Variants in SSUH2 observed in about 807,000 individuals in gnomAD.
SSUH2 encodes the protein protein SSUH2 homolog.
A neutral mutation model predicts 55.3 loss-of-function variants in SSUH2; 47 were observed. That is an observed-to-expected ratio of 0.85 (90% CI 0.67 to 1.08). The LOEUF is 1.08. Ranked by LOEUF, SSUH2 falls within the 50% of genes least tolerant of loss-of-function variation. The pLI is 0.00. For synonymous variants in SSUH2, 212 were observed against 191.5 expected, an observed-to-expected ratio of 1.11 and a Z score of -0.89; for missense variants, 535 against 490.7, an observed-to-expected ratio of 1.09 and a Z score of -0.85.
chr3:8,676,283 G>A (rs1705253224), intron 3 of SSUH2, among the ~76,000 whole-genome samples: 1 of 151,574 alleles, frequency 6.6e-6, no homozygotes, highest in Non-Finnish European at 1.5e-5. Context: ...TGAATATTAA[G>A]AACAGTATCA....
intron 3 of SSUH2, among the ~76,000 whole-genome samples, chr3:8,676,969 C>T (rs1705405569): frequency 7.1e-6 from 1 of 140,544 alleles, no homozygotes; most frequent in South Asian, 2.3e-4. Flanking sequence ...CCCTGTGAGG[C>T]GGGGACTGAG....
intron 7 of SSUH2, among the ~76,000 whole-genome samples, chr3:8,655,571 T>C (rs577922371): frequency 1.3e-5 from 2 of 152,232 alleles, no homozygotes; most frequent in East Asian, 3.9e-4. Context: ...TCTCAGTGGG[T>C]CATTCTTGCC....
At chr3:8,670,548 A>C (rs1704449047) in intron 5 of SSUH2, among the ~76,000 whole-genome samples, 1 of 151,968 alleles carries the variant, frequency 6.6e-6, no homozygotes, top group African/African-American at 2.4e-5. Flanking sequence ...TACGTATGTC[A>C]TACACCCCCG....
At position 8,667,495 on chromosome 3, in the gene SSUH2, C is replaced by A. The variant is rs996329877; in HGVS notation, c.-455+3503G>T. Among the ~76,000 whole-genome samples, 3 of 152,288 alleles carry A rather than the reference C, an allele frequency of 2.0e-5. No homozygotes were observed. In the South Asian group the frequency reaches 6.2e-4, roughly 32 times the overall value. On this transcript the variant is annotated intron_variant, in intron 5 of 18. Coordinates refer to the SSUH2 transcript ENST00000317371. ...TCTTTGTGGCCTGTATCTTGAAAAA[C>A]CAGTCCCTCCAATTCCAGTCTCACC...
intron 2 of SSUH2, 83 bp from the exon 3 acceptor site, chr3:8,635,464 G>A (rs1559383183): frequency 9.7e-7 from 1 of 1,029,876 alleles, no homozygotes. Context: ...AAGACTGATT[G>A]AATGTGAGAA....
intron 4 of SSUH2, among the ~76,000 whole-genome samples, chr3:8,671,687 C>T (rs1359668387): frequency 6.6e-6 from 1 of 151,992 alleles, no homozygotes; most frequent in East Asian, 1.9e-4. Flanking sequence ...GGGTGTATAC[C>T]CCGGTGACTT....
intron 3 of SSUH2, among the ~76,000 whole-genome samples, chr3:8,674,268 C>T (rs1274005762): frequency 2.6e-5 from 4 of 152,150 alleles, no homozygotes; most frequent in Admixed American, 6.5e-5. Context: ...GGGTTTGCAG[C>T]GTAACCAGTG....
At chr3:8,668,991 G>A (rs1221409241) in intron 5 of SSUH2, among the ~76,000 whole-genome samples, 1 of 151,846 alleles carries the variant, frequency 6.6e-6, no homozygotes, top group Admixed American at 6.6e-5. Flanking sequence ...AAGGAAGGAG[G>A]AAGAGAGGAA....
intron 2 of SSUH2, among the ~76,000 whole-genome samples, chr3:8,677,817 C>T (rs900774287): frequency 3.4e-4 from 51 of 150,724 alleles, no homozygotes; most frequent in South Asian, 6.5e-4. Context: ...TGAGAGCCAG[C>T]CCCACACACC....
At position 8,678,816 on chromosome 3, in the gene SSUH2, C is replaced by T. The variant is rs1357910855; in HGVS notation, c.-901+889G>A. 3.6e-5 allele frequency among the ~76,000 whole-genome samples: 4 copies of T among 109,804 alleles called. 1 individual carries two copies. Among genetic ancestry groups the T allele is most frequent in the Non-Finnish European group, 6.2e-5 (3 of 48,236 alleles). 72.0% of individuals were successfully genotyped at this position (109,804 alleles called of 152,430 possible). A position where few individuals can be genotyped will look rare whatever the true frequency, so the allele number is the denominator to read the frequency against. On this transcript the variant is annotated intron_variant, in intron 2 of 18. Transcript: ENST00000317371. ...AGGACCCCATCGCAGGGAGAGGAGG[C>T]GGCACTCCCCACGAGGCGGGGACTG...
At chr3:8,621,558 G>A (rs1442514744) in intron 11 of SSUH2, among the ~76,000 whole-genome samples, 1 of 152,058 alleles carries the variant, frequency 6.6e-6, no homozygotes, top group African/African-American at 2.4e-5. Context: ...TCAGAGTCAG[G>A]GCACAAAATT....
intron 3 of SSUH2, among the ~76,000 whole-genome samples, chr3:8,676,170 C>G (rs1252487958): frequency 1.3e-5 from 2 of 152,040 alleles, no homozygotes; most frequent in African/African-American, 2.4e-5. Flanking sequence ...ATATCATCTC[C>G]CCCTCTGGAG....
At chr3:8,654,618 C>T (rs959882743) in intron 7 of SSUH2, among the ~76,000 whole-genome samples, 1 of 152,188 alleles carries the variant, frequency 6.6e-6, no homozygotes, top group Non-Finnish European at 1.5e-5. Flanking sequence ...ACTTTACAGA[C>T]AGATGCCGGA....
At chr3:8,645,493 G>A (rs1701561992), upstream of SSUH2, among the ~76,000 whole-genome samples, 1 of 152,148 alleles carries the variant, frequency 6.6e-6, no homozygotes, top group Non-Finnish European at 1.5e-5. Flanking sequence ...CTCAGCCCTT[G>A]GAAGATCATC....
chr3:8,632,590 T>A (rs772532518), intron 4 of SSUH2, among the ~76,000 whole-genome samples: 25 of 152,102 alleles, frequency 1.6e-4, no homozygotes, highest in Non-Finnish European at 2.9e-4. Context: ...CTCAGAGAGG[T>A]CAGCTGACTT....
intron 3 of SSUH2, chr3:8,634,322 C>T: frequency 8.3e-7 from 1 of 1,202,080 alleles, no homozygotes; most frequent in African/African-American, 1.5e-5. Flanking sequence ...GACAGGGACC[C>T]TAACCTCGGC....
intron 1 of SSUH2, among the ~76,000 whole-genome samples, chr3:8,681,563 C>A: frequency 6.8e-6 from 1 of 147,632 alleles, no homozygotes. Flanking sequence ...GGGCGGGAGG[C>A]ACCCCCAACG....
At chr3:8,664,771 A>C (rs1703833540) in intron 5 of SSUH2, among the ~76,000 whole-genome samples, 1 of 152,224 alleles carries the variant, frequency 6.6e-6, no homozygotes. Context: ...TATGGAAAGG[A>C]ATCACAATCC....
At chr3:8,657,712 G>A (rs887267637) in intron 7 of SSUH2, among the ~76,000 whole-genome samples, 2 of 152,238 alleles carry the variant, frequency 1.3e-5, no homozygotes, top group African/African-American at 4.8e-5. Context: ...GGTGAGTATA[G>A]AAGGAAGGGA....
Sources: gnomAD v4.1 joint callset for allele counts (sites outside exome capture counted in the v4.1 genomes callset) on GRCh38, gnomAD v4.1.1 for gene constraint, MANE v1.5 for transcripts, NCBI Gene and HGNC (gene_info 2026-07-23, HGNC 2026-07-21) for gene names.